Variants in PLEKHH1 observed in about 807,000 individuals in gnomAD.
The protein encoded by PLEKHH1 is pleckstrin homology domain-containing family H member 1.
A neutral mutation model predicts 160.0 loss-of-function variants in PLEKHH1; 104 were observed. That is an observed-to-expected ratio of 0.65 (90% confidence interval 0.55 to 0.76). The LOEUF (loss-of-function observed/expected upper bound fraction) is 0.76, where lower values mean the gene tolerates loss of function less well. Among genes scored for constraint, PLEKHH1 ranks in the 30% least tolerant of loss-of-function variants. PLEKHH1 has a pLI of 0.00. For synonymous variants in PLEKHH1, 619 were observed against 678.4 expected (o/e 0.91, Z 1.36); for missense variants, 1,427 against 1,724.1 (o/e 0.83, Z 3.05).
intron 5 of PLEKHH1, 85 bp from the exon 6 acceptor site, chr14:67,561,869 C>CA (rs373609799): frequency 0.042 from 31,635 of 753,468 alleles, 28 homozygotes; most frequent in African/African-American, 0.061. Context: ...GACCCTGTCT[C>CA]AAAAAAAAAA....
chr14:67,561,443 CGGGAGGCTGAGGT>C (rs1359130803), intron 5 of PLEKHH1, among the ~76,000 whole-genome samples: 1 of 152,072 alleles, frequency 6.6e-6, no homozygotes, highest in Non-Finnish European at 1.5e-5. Flanking sequence ...CCCAGCTACT[CGGGAGGCTGAGGT>C]GGGAGGCTAA....
Position 67,574,489 on chromosome 14 carries a change from C to T in PLEKHH1, c.2088+86C>T. On this transcript the variant is annotated intron_variant, in intron 14 of 28. Coordinates refer to ENST00000329153, the MANE Select transcript of PLEKHH1 (RefSeq NM_020715.3). This position sits in a 1 kb window ranked among gnomAD's most constrained non-coding sequence, Gnocchi z 4.2. ...TTGGGGTGCCGAGGGTGGTGGGTTC[C>T]CCCTTATACGGGGCTCCTTTCTCTG... The T allele has an allele frequency of 8.9e-7, 1 of 1,128,064 alleles. No homozygotes were observed. Among genetic ancestry groups the T allele is most frequent in the Middle Eastern group, 3.1e-4 (1 of 3,196 alleles). The allele number at this position is 1,128,064 out of a possible 1,614,324, so 69.9% of individuals were successfully genotyped here. A position where few individuals can be genotyped will look rare whatever the true frequency, so the allele number is the denominator to read the frequency against.
intron 1 of PLEKHH1, among the ~76,000 whole-genome samples, chr14:67,538,197 T>C (rs941991532): frequency 3.3e-5 from 5 of 152,204 alleles, no homozygotes; most frequent in African/African-American, 1.2e-4. Flanking sequence ...CATTAATGTA[T>C]TTGTGTTAGA....
intron 2 of PLEKHH1, among the ~76,000 whole-genome samples, chr14:67,544,847 C>A (rs929136396): frequency 2.0e-5 from 3 of 152,180 alleles, no homozygotes; most frequent in Non-Finnish European, 2.9e-5. Flanking sequence ...AATACAAATA[C>A]AGCAGTTGAG....
chr14:67,558,692 T>C (rs2034695705), intron 4 of PLEKHH1, among the ~76,000 whole-genome samples: 1 of 152,166 alleles, frequency 6.6e-6, no homozygotes, highest in Non-Finnish European at 1.5e-5. Flanking sequence ...AGCTGTGCCA[T>C]GAATGGACAG....
At chr14:67,586,284 T>C in intron 28 of PLEKHH1, 187 bp downstream of exon 28, 6 of 1,090,654 alleles carry the variant, frequency 5.5e-6, no homozygotes, top group Non-Finnish European at 8.2e-6. Flanking sequence ...GTTCAGCTAG[T>C]AGGTAAAGGG....
intron 5 of PLEKHH1, among the ~76,000 whole-genome samples, chr14:67,561,745 C>A (rs1224661248): frequency 3.3e-5 from 5 of 151,338 alleles, no homozygotes; most frequent in African/African-American, 4.9e-5. Flanking sequence ...TGGTGTGTGT[C>A]TATGGTCCCA....
At chr14:67,569,027 C>T (rs2035241917) in intron 7 of PLEKHH1, 111 bp from the exon 8 acceptor site, 6 of 648,948 alleles carry the variant, frequency 9.2e-6, no homozygotes, top group Non-Finnish European at 1.6e-5. Flanking sequence ...CCAGTCACTG[C>T]CCCCCACAGG....
chr14:67,589,194 G>T lies in PLEKHH1; in HGVS notation c.*1959G>T. On this transcript the variant is annotated 3_prime_UTR_variant, in exon 29 of 29. Transcript: ENST00000329153. ...AGGAAGAGTAAACAAGAATGGAGCT[G>T]TGTTCACACTGAATTTGGGGTCAAT... The T allele has an allele frequency of 4.9e-6, 1 of 203,926 alleles. No homozygotes were observed. The highest frequency in any genetic ancestry group is 8.7e-6 in the Non-Finnish European group (1 of 115,248). The allele number at this position is 203,926 out of a possible 1,614,324, so 12.6% of individuals were successfully genotyped here. A position where few individuals can be genotyped will look rare whatever the true frequency, so the allele number is the denominator to read the frequency against.
Position 67,576,353 on chromosome 14 carries a change from T to A in PLEKHH1, c.2353-42T>A, listed in dbSNP as rs1566756351. 4 of 1,155,402 alleles carry A rather than the reference T, an allele frequency of 3.5e-6. No individual in the cohort carries two copies. Among genetic ancestry groups the A allele is most frequent in the Non-Finnish European group, 5.2e-6 (4 of 775,540 alleles). 71.6% of individuals were successfully genotyped at this position (1,155,402 alleles called of 1,614,324 possible). A position where few individuals can be genotyped will look rare whatever the true frequency, so the allele number is the denominator to read the frequency against. On this transcript the variant is annotated intron_variant, in intron 16 of 28. Coordinates refer to ENST00000329153, the MANE Select transcript of PLEKHH1 (RefSeq NM_020715.3). This position sits in a 1 kb window ranked among gnomAD's most constrained non-coding sequence, Gnocchi z 4.0. ...TCCTTGGAGCTCTTGCCTCCACTCT[T>A]CCCACCCCGTCCCCATCCGATGGCT... is the stretch of plus-strand genomic sequence containing the variant.
chr14:67,579,688 T>C (rs1055639431), intron 21 of PLEKHH1, 33 bp from the exon 22 acceptor site: 10 of 1,604,120 alleles, frequency 6.2e-6, no homozygotes, highest in Non-Finnish European at 8.5e-6. Flanking sequence ...CTCAGGAGGT[T>C]CACTCAGGGT....
Position 67,589,308 on chromosome 14 carries a change from G to A in PLEKHH1, c.*2073G>A, listed in dbSNP as rs1333348738. On this transcript the variant is annotated 3_prime_UTR_variant, in exon 29 of 29. Coordinates refer to ENST00000329153, the MANE Select transcript of PLEKHH1 (RefSeq NM_020715.3). ...CAGAAGAAACTAACTTAGAAACAAA[G>A]GATTCAATATTTGCTTATTTATTCT... The A allele has an allele frequency of 3.1e-6, 3 of 972,828 alleles. No individual in the cohort carries two copies. The South Asian group carries it at 1.4e-4, about 46-fold the overall frequency. The allele number at this position is 972,828 out of a possible 1,614,324, so 60.3% of individuals were successfully genotyped here.
At chr14:67,583,482 CTG>C (rs766773466) in intron 24 of PLEKHH1, among the ~76,000 whole-genome samples, 2 of 152,296 alleles carry the variant, frequency 1.3e-5, no homozygotes, top group Non-Finnish European at 2.9e-5. Flanking sequence ...TACCAATTAA[CTG>C]TGTCTTTGGA....
At chr14:67,572,439 G>A (rs544367318) in intron 11 of PLEKHH1, among the ~76,000 whole-genome samples, 162 bp downstream of exon 11, 113 of 152,218 alleles carry the variant, frequency 7.4e-4, no homozygotes, top group African/African-American at 2.5e-3. Flanking sequence ...CAGTTATGGA[G>A]TCAGACACAC....
Position 67,578,064 on chromosome 14 carries a change from G to C in PLEKHH1, c.2616G>C (p.Ser872=). The C allele has an allele frequency of 6.2e-7, 1 of 1,613,764 alleles. No individual in the cohort carries two copies. The highest frequency in any genetic ancestry group is 8.5e-7 in the Non-Finnish European group (1 of 1,179,854). ...TCAACGTGCCGGTGGAAGCTGCCTC[G>C]GTGGACTACCATGTGTCCCTGGCCC... ...LFINVPVEAA[S]VDYHVSLAQT... The change falls in exon 19 of 29, where the codon TCG becomes TCC. Residue 872 remains serine, a synonymous_variant. Coordinates refer to ENST00000329153, the MANE Select transcript of PLEKHH1 (RefSeq NM_020715.3). The surrounding 1 kb of genome is among the most constrained non-coding windows in gnomAD (Gnocchi z 5.0).
At chr14:67,559,185 A>G (rs2034717775) in intron 4 of PLEKHH1, among the ~76,000 whole-genome samples, 1 of 152,146 alleles carries the variant, frequency 6.6e-6, no homozygotes, top group Non-Finnish European at 1.5e-5. Flanking sequence ...AGTTATCTGC[A>G]ATTTTGCCTT....
chr14:67,577,930 C>T, intron 18 of PLEKHH1, 93 bp from the exon 19 acceptor site: 1 of 1,177,798 alleles, frequency 8.5e-7, no homozygotes, highest in Non-Finnish European at 1.2e-6. Context: ...TAAACTCTAA[C>T]CTCCCTGGAG....
chr14:67,546,014 G>A (rs1465150618), intron 2 of PLEKHH1, among the ~76,000 whole-genome samples: 1 of 152,160 alleles, frequency 6.6e-6, no homozygotes, highest in African/African-American at 2.4e-5. Flanking sequence ...GGCTAACCTG[G>A]GGGTTGCAAA....
intron 7 of PLEKHH1, among the ~76,000 whole-genome samples, chr14:67,567,480 A>G (rs2035158486): frequency 6.6e-6 from 1 of 151,860 alleles, no homozygotes; most frequent in Non-Finnish European, 1.5e-5. Flanking sequence ...TTCCATGACC[A>G]CTCTGGGCAG....
Sources: gnomAD v4.1 joint callset for allele counts (sites outside exome capture counted in the v4.1 genomes callset) on GRCh38, gnomAD v4.1.1 for gene constraint, Gnocchi (gnomAD v3.1) non-coding constraint, MANE v1.5 for transcripts, NCBI Gene and HGNC (gene_info 2026-07-23, HGNC 2026-07-21) for gene names.